The following TTN variants were observed in gnomAD, a reference collection of about 807,000 sequenced individuals.
TTN encodes connectin.
In TTN, 1,525 loss-of-function variants were observed where a neutral mutation model predicts 3,223.0. The ratio of observed to expected loss-of-function variants is 0.47; its 90% CI spans 0.45 to 0.49. The LOEUF (loss-of-function observed/expected upper bound fraction) is 0.49. Among genes scored for constraint, TTN ranks in the 20% least tolerant of loss-of-function variants. TTN has a pLI of 0.00. For synonymous variants in TTN, 14,094 were observed against 15,161.0 expected, an observed-to-expected ratio of 0.93 and a Z score of 5.17; for missense variants, 40,786 against 43,424.0, an observed-to-expected ratio of 0.94 and a Z score of 5.40.
Position 178,601,686 on chromosome 2 carries a change from C to G in TTN, c.55404G>C (p.Lys18468Asn). The change falls in exon 286 of 363, where the codon AAG (lysine) becomes AAC (asparagine). Residue 18468 changes from lysine (K) to asparagine (N), a missense_variant. Lys to Asn is a moderately conservative substitution (Grantham distance 94). Transcript: ENST00000589042. ...TGACTTTAACTCTGCAATTTGCAGT[C>G]TTTTGTCCTGCTTTATTCTTGGCTG... is the stretch of plus-strand genomic sequence containing the variant. ...SITAKNKAGQ[K>N]TANCRVKVMD... 6.2e-7 allele frequency: 1 copy of G among 1,606,354 alleles called. No homozygotes were observed. The highest frequency in any genetic ancestry group is 8.5e-7 in the Non-Finnish European group (1 of 1,177,684).
In TTN at chr2:178,578,610, C is replaced by G; in HGVS notation, c.68329+1G>C. On this transcript the variant is annotated splice_donor_variant, in intron 321 of 362. Transcript: ENST00000589042. LOFTEE classifies it high-confidence loss of function. ...CTGTAGGATAAGAACAAACAAAATA[C>G]CTGTAATTGGAGAACCACCAGTTTT... 1 of 1,605,998 alleles carries G rather than the reference C, an allele frequency of 6.2e-7. No homozygotes were observed. The highest frequency in any genetic ancestry group is 8.5e-7 in the Non-Finnish European group (1 of 1,174,650).
rs774026360 is a variant in TTN at position 178,561,998 on chromosome 2, G to C, written c.84134C>G (p.Thr28045Arg). ...LCVSNSAGSI[T>R]VPITIIVLDR... The stretch of plus-strand genomic sequence containing the variant: ...AAGGACAATTATAGTAATAGGAACT[G>C]TTATGGATCCAGCACTGTTTGAAAC... The change falls in exon 326 of 363, where the codon ACA becomes AGA. Residue 28045 changes from threonine (T) to arginine (R), a missense_variant. Thr to Arg is a moderately conservative substitution (Grantham distance 71, BLOSUM62 -1). Transcript: ENST00000589042. 6.2e-7 allele frequency: 1 copy of C among 1,613,478 alleles called. No homozygotes were observed. The highest frequency in any genetic ancestry group is 1.1e-5 in the South Asian group (1 of 91,058).
chr2:178,618,983 G>A, intron 250 of TTN, 130 bp from the exon 251 acceptor site: 7 of 1,286,830 alleles, frequency 5.4e-6, no homozygotes, highest in Admixed American at 5.7e-5. Flanking sequence ...CTTTATAGCA[G>A]AGAAAACTAA....
chr2:178,638,657 A>G (rs935148079), intron 223 of TTN, among the ~76,000 whole-genome samples: 10 of 151,750 alleles, frequency 6.6e-5, no homozygotes, highest in Admixed American at 2.0e-4. Flanking sequence ...ATTATATTGA[A>G]TATCTTAGAT....
rs140127488 is a variant in TTN at position 178,575,696 on chromosome 2, C to T, written c.70436G>A (p.Arg23479Gln). Residue 23479 changes from arginine (R) to glutamine (Q), a missense_variant, in exon 326 of 363, where the codon CGG (arginine) becomes CAG (glutamine). Arg to Gln is a conservative substitution (Grantham distance 43, BLOSUM62 1). Coordinates refer to ENST00000589042, the MANE Select transcript of TTN (RefSeq NM_001267550.2). The surrounding 1 kb of genome is among the most constrained non-coding windows in gnomAD (Gnocchi z 4.0). ...NYIVEKREAT[R>Q]KSYSTATTKC... ...AGTGGTGGCTGTGGAATAAGATTTCCGTGTTGCTTCACGTTTCTCTACAAT... is the reference window on the plus strand; with the variant it reads ...AGTGGTGGCTGTGGAATAAGATTTCTGTGTTGCTTCACGTTTCTCTACAAT... 25 of 1,613,490 alleles carry T rather than the reference C, an allele frequency of 1.5e-5. No homozygotes were observed. The highest frequency in any genetic ancestry group is 3.3e-5 in the South Asian group (3 of 91,070).
chr2:178,738,522 T>C (rs1039693992), intron 48 of TTN, among the ~76,000 whole-genome samples, 162 bp from the exon 49 acceptor site: 2 of 152,126 alleles, frequency 1.3e-5, no homozygotes, highest in African/African-American at 2.4e-5. Context: ...AGAAAGATCA[T>C]TGAAGGCAAA....
Position 178,764,680 on chromosome 2 carries a change from G to C in TTN, c.9835C>G (p.Leu3279Val). Residue 3279 changes from leucine to valine, a missense_variant, in exon 42 of 363, where the codon CTT (leucine) becomes GTT (valine). Coordinates refer to ENST00000589042, the MANE Select transcript of TTN (RefSeq NM_001267550.2). ...AATTTGCACTTGAAGCCAGTGGAAA[G>C]CAGCTGCTCTTCCTTGTACCAGGAA... ...KISWYKEEQL[L>V]STGFKCKFLH... 6.2e-7 allele frequency: 1 copy of C among 1,614,156 alleles called. No individual in the cohort carries two copies. The highest frequency in any genetic ancestry group is 1.1e-5 in the South Asian group (1 of 91,084).
rs1295008093 is a variant in TTN, at chr2:178,612,767, A to G, written c.49948+6T>C. 1 of 1,605,990 alleles carries G rather than the reference A, an allele frequency of 6.2e-7. No individual in the cohort carries two copies. Among genetic ancestry groups the G allele is most frequent in the South Asian group, 1.1e-5 (1 of 89,486 alleles). On this transcript the variant is annotated splice_donor_region_variant and intron_variant, in intron 265 of 362. Coordinates refer to ENST00000589042, the MANE Select transcript of TTN (RefSeq NM_001267550.2). The stretch of plus-strand genomic sequence containing the variant: ...TTATATATCCCAGACATCAAGAGTG[A>G]CTTACATAGCTTCTCCCGGCAAAGC...
chr2:178,723,958 A>G lies in TTN; in HGVS notation c.21301T>C (p.Leu7101=), dbSNP rs1273111398. ...GAGGAATCCAGAGAATTCAACTGCA[A>G]TGTGCAGACATTATCTGAAAATGTG... ...QTTFSDNVCT[L]QLNSLDSSDM... Residue 7101 remains leucine, a synonymous_variant, in exon 73 of 363, where the codon TTG becomes CTG. Transcript: ENST00000589042. 1.2e-6 allele frequency: 2 copies of G among 1,613,596 alleles called. No homozygotes were observed. Among genetic ancestry groups the G allele is most frequent in the South Asian group, 1.1e-5 (1 of 91,068 alleles).
At chr2:178,743,147 C>T (rs1574118162) in intron 47 of TTN, among the ~76,000 whole-genome samples, 2 of 151,960 alleles carry the variant, frequency 1.3e-5, no homozygotes, top group East Asian at 1.9e-4. Flanking sequence ...CCCTTACTCA[C>T]TACTATGTTG....
rs1159331815 is a variant in TTN at position 178,528,128 on chromosome 2, A to G, written c.107377+146T>C. 5.4e-6 allele frequency: 5 copies of G among 925,308 alleles called. No individual in the cohort carries two copies. In the East Asian group the frequency reaches 8.0e-5, roughly 15 times the overall value. 57.3% of individuals were successfully genotyped at this position (925,308 alleles called of 1,614,324 possible). On this transcript the variant is annotated intron_variant, in intron 361 of 362. Coordinates refer to ENST00000589042, the MANE Select transcript of TTN (RefSeq NM_001267550.2). ...GTGTAGCTATAAAGAAAGTTTGACT[A>G]CAAGAATGAATTCACATCAGTTGGC...
In TTN at chr2:178,688,737, C is replaced by CAA. The variant is rs1452126817; in HGVS notation, c.32135_32136dup (p.Val10713LeufsTer60). 1 of 1,613,646 alleles carries CAA rather than the reference C, an allele frequency of 6.2e-7. No individual in the cohort carries two copies. The highest frequency in any genetic ancestry group is 1.3e-5 in the African/African-American group (1 of 74,910). On this transcript the variant is annotated frameshift_variant, in exon 126 of 363. Coordinates refer to ENST00000589042, the MANE Select transcript of TTN (RefSeq NM_001267550.2). LOFTEE classifies it high-confidence loss of function. ...GCGAAGGATAGTTTTTCTTCAGCAACAAATCTCTTTTCTTCTACAACAGTT... is the reference window on the plus strand; with the variant it reads ...GCGAAGGATAGTTTTTCTTCAGCAACAAAAATCTCTTTTCTTCTACAACAGTT...
In TTN at chr2:178,577,501, G is replaced by A. The variant is rs1161003703; in HGVS notation, c.68834C>T (p.Thr22945Ile). Residue 22945 changes from threonine (T) to isoleucine (I), a missense_variant, in exon 324 of 363, where the codon ACA becomes ATA. By Grantham distance (89) the Thr-to-Ile change is moderately conservative (BLOSUM62 -1). Transcript: ENST00000589042. ...IICKDEYEAPTIVLDPTIKDG... is the reference protein window; with the variant it reads ...IICKDEYEAPIIVLDPTIKDG... ...TTTTATTGTGGGATCAAGGACAATT[G>A]TTGGTGCCTCTGCAAAGAAAAAAAT... is the stretch of plus-strand genomic sequence containing the variant. 1.9e-6 allele frequency: 3 copies of A among 1,579,548 alleles called. No individual in the cohort carries two copies. The highest frequency in any genetic ancestry group is 1.4e-5 in the African/African-American group (1 of 73,668).
intron 218 of TTN, 127 bp downstream of exon 218, chr2:178,644,421 A>C: frequency 1.5e-6 from 1 of 684,068 alleles, no homozygotes; most frequent in Non-Finnish European, 2.3e-6. Context: ...ACAGAAATAT[A>C]AGAAATGAAT....
Position 178,578,843 on chromosome 2 carries a change from G to C in TTN, c.68187C>G (p.Gly22729=). The part of the protein sequence containing the change: ...SAENKYGVGE[G]LKSEPIVARH... ...TCGCAACAATTGGCTCCGATTTCAG[G>C]CCTTCCCCTACACCATATTTATTTT... Residue 22729 remains glycine, a synonymous_variant, in exon 320 of 363, where the codon GGC becomes GGG. Transcript: ENST00000589042. 6.2e-7 allele frequency: 1 copy of C among 1,612,028 alleles called. No individual in the cohort carries two copies. The highest frequency in any genetic ancestry group is 8.5e-7 in the Non-Finnish European group (1 of 1,178,738).
chr2:178,757,756 A>G lies in TTN; in HGVS notation c.10464T>C (p.Val3488=), dbSNP rs1448101854. 1 of 1,613,812 alleles carries G rather than the reference A, an allele frequency of 6.2e-7. No individual in the cohort carries two copies. Among genetic ancestry groups the G allele is most frequent in the Non-Finnish European group, 8.5e-7 (1 of 1,179,778 alleles). ...GGATTTCTGGCTTGGGAATGCCAGA[A>G]ACCCTCGCATGAAATCTGACTGTCT... ...NGETVRFHAR[V]SGIPKPEIQW... The change falls in exon 45 of 363, where the codon GTT becomes GTC. Residue 3488 remains valine (V), a synonymous_variant. Coordinates refer to ENST00000589042, the MANE Select transcript of TTN (RefSeq NM_001267550.2).
At chr2:178,643,078 T>A (rs372001388) in intron 218 of TTN, among the ~76,000 whole-genome samples, 3 of 152,112 alleles carry the variant, frequency 2.0e-5, no homozygotes, top group East Asian at 1.9e-4. Flanking sequence ...CTCATAGATT[T>A]GAATGGTGAA....
chr2:178,649,457 C>T (rs2154247848), intron 212 of TTN, 97 bp downstream of exon 212: 2 of 1,384,554 alleles, frequency 1.4e-6, no homozygotes, highest in South Asian at 1.5e-5. Flanking sequence ...AAATTTTTGT[C>T]CTTAGTTATG....
At position 178,537,867 on chromosome 2, in the gene TTN, A is replaced by G. The variant is rs371656672; in HGVS notation, c.99340T>C (p.Leu33114=). 451 of 1,613,242 alleles carry G rather than the reference A, an allele frequency of 2.8e-4. No individual in the cohort carries two copies. Among genetic ancestry groups the G allele is most frequent in the Middle Eastern group, 9.9e-4 (6 of 6,074 alleles). The change falls in exon 355 of 363, where the codon TTG becomes CTG. Residue 33114 remains leucine, a synonymous_variant. Transcript: ENST00000589042. ...CATGAGAGTTGAGCAGCTTCACCCA[A>G]TTTTGTGGTAACATCCTTCATTTCT... The part of the protein sequence containing the change: ...RKEMKDVTTK[L]GEAAQLSCQI...
Sources: allele counts gnomAD v4.1 joint callset (sites outside exome capture counted in the v4.1 genomes callset), GRCh38; gene constraint gnomAD v4.1.1; non-coding constraint Gnocchi (gnomAD v3.1); transcripts MANE v1.5; gene names NCBI Gene and HGNC (gene_info 2026-07-23, HGNC 2026-07-21).